Variants in LPP observed in about 807,000 individuals in gnomAD.
The protein encoded by LPP is LIM domain containing preferred translocation partner in lipoma.
Under a neutral mutation model 60.4 loss-of-function variants are expected in LPP, and 38 were observed. The ratio of observed to expected loss-of-function variants is 0.63; its 90% CI spans 0.49 to 0.83. The LOEUF is 0.83. Ranked by LOEUF, LPP falls within the 40% of genes least tolerant of loss-of-function variation. The pLI, the probability that LPP is intolerant of heterozygous loss-of-function variation, is 0.00. For synonymous variants in LPP, 328 were observed against 290.8 expected, an observed-to-expected ratio of 1.13 and a Z score of -1.30; for missense variants, 902 against 783.6, an observed-to-expected ratio of 1.15 and a Z score of -1.80.
rs118084223 is a variant in LPP at position 188,823,848 on chromosome 3, C to T, written c.1411-42352C>T. On this transcript the variant is annotated intron_variant, in intron 9 of 11. Transcript: ENST00000617246. ...TCAACTTGCCAATTCTGTTGTTAGT[C>T]ATAAACTTTTATATTCCTCCCTATG... Among the ~76,000 whole-genome samples, 5 of 152,184 alleles carry T rather than the reference C, an allele frequency of 3.3e-5. No homozygotes were observed. The East Asian group carries it at 7.7e-4, about 24-fold the overall frequency.
intron 7 of LPP, among the ~76,000 whole-genome samples, chr3:188,643,851 C>G (rs1460769578): frequency 6.6e-6 from 1 of 151,964 alleles, no homozygotes; most frequent in Non-Finnish European, 1.5e-5. Flanking sequence ...CAGTGGTAAC[C>G]CAAATAGCTA....
chr3:188,655,162 C>T (rs1852898712), intron 7 of LPP, among the ~76,000 whole-genome samples: 1 of 152,158 alleles, frequency 6.6e-6, no homozygotes, highest in African/African-American at 2.4e-5. Context: ...ATTCTCTCTT[C>T]CTTTAGCCTT....
At chr3:188,591,170 C>G (rs116770514) in intron 6 of LPP, among the ~76,000 whole-genome samples, 3,506 of 152,244 alleles carry the variant, frequency 0.023, 46 homozygotes, top group Non-Finnish European at 0.033. Context: ...GTTGTGCTTT[C>G]CCACAAAATT....
intron 4 of LPP, among the ~76,000 whole-genome samples, chr3:188,473,501 G>T (rs887631479): frequency 9.2e-5 from 14 of 152,156 alleles, no homozygotes; most frequent in Non-Finnish European, 4.4e-5. Context: ...AAGGAGCTTT[G>T]CAAGGTCCTT....
chr3:188,815,683 A>G (rs1015260867), intron 9 of LPP, among the ~76,000 whole-genome samples: 2 of 152,214 alleles, frequency 1.3e-5, no homozygotes, highest in African/African-American at 4.8e-5. Flanking sequence ...GTGTTGTGAA[A>G]GAAGACTTTG....
At chr3:188,588,458 A>T (rs1837962949) in intron 6 of LPP, among the ~76,000 whole-genome samples, 1 of 152,188 alleles carries the variant, frequency 6.6e-6, no homozygotes, top group African/African-American at 2.4e-5. Context: ...CTAATTTTTC[A>T]GTCTTGATTC....
At chr3:188,836,158 T>G (rs1758395057) in intron 9 of LPP, among the ~76,000 whole-genome samples, 1 of 152,232 alleles carries the variant, frequency 6.6e-6, no homozygotes, top group African/African-American at 2.4e-5. Context: ...AAGACAGTAA[T>G]GAAAAATGTA....
chr3:188,261,225 T>C (rs1391540540), intron 2 of LPP, among the ~76,000 whole-genome samples: 3 of 152,214 alleles, frequency 2.0e-5, no homozygotes, highest in African/African-American at 4.8e-5. Context: ...TATGGCTCAC[T>C]GTAGCTGCGA....
chr3:188,768,718 T>G (rs1240035642), intron 9 of LPP, among the ~76,000 whole-genome samples: 1 of 152,314 alleles, frequency 6.6e-6, no homozygotes, highest in East Asian at 1.9e-4. Context: ...TTATCCAATT[T>G]AAGAAATAAA....
At chr3:188,316,704 A>G (rs1264256936) in intron 2 of LPP, among the ~76,000 whole-genome samples, 1 of 152,250 alleles carries the variant, frequency 6.6e-6, no homozygotes, top group East Asian at 1.9e-4. Context: ...CCTATGTCTC[A>G]TTTAAAAACC....
chr3:188,662,722 T>G (rs1181544052), intron 7 of LPP, among the ~76,000 whole-genome samples: 1 of 152,254 alleles, frequency 6.6e-6, no homozygotes, highest in Admixed American at 6.5e-5. Context: ...AAATTAAAGC[T>G]ATTTAGAGAT....
intron 5 of LPP, among the ~76,000 whole-genome samples, chr3:188,494,854 G>T (rs1295910440): frequency 6.6e-6 from 1 of 151,586 alleles, no homozygotes; most frequent in Non-Finnish European, 1.5e-5. Flanking sequence ...ATTGATTGTT[G>T]TGAGGTTTCA....
chr3:188,387,627 C>T (rs1390273624), intron 3 of LPP, among the ~76,000 whole-genome samples: 1 of 149,174 alleles, frequency 6.7e-6, no homozygotes, highest in African/African-American at 2.5e-5. Flanking sequence ...AGTGCAGTGG[C>T]ATGATCTCAG....
intron 2 of LPP, among the ~76,000 whole-genome samples, chr3:188,249,524 A>AATAT (rs147420456): frequency 2.6e-5 from 4 of 151,728 alleles, no homozygotes; most frequent in African/African-American, 7.3e-5. Context: ...CTCTGAAATA[A>AATAT]ATATATATAT....
intron 2 of LPP, among the ~76,000 whole-genome samples, chr3:188,275,144 G>T (rs376352069): frequency 6.6e-6 from 1 of 152,194 alleles, no homozygotes; most frequent in African/African-American, 2.4e-5. Context: ...AGACTGGAAT[G>T]GCCAGAGCCC....
chr3:188,566,314 C>T (rs930715581), intron 6 of LPP, among the ~76,000 whole-genome samples: 1 of 151,826 alleles, frequency 6.6e-6, no homozygotes, highest in African/African-American at 2.4e-5. Flanking sequence ...CAGCAAACAA[C>T]CTTTCTGTGC....
At chr3:188,413,352 G>A (rs1181592998) in intron 4 of LPP, among the ~76,000 whole-genome samples, 1 of 152,078 alleles carries the variant, frequency 6.6e-6, no homozygotes, top group Non-Finnish European at 1.5e-5. Flanking sequence ...GTTACAAATG[G>A]GAAACATCTT....
At chr3:188,771,549 CAA>C (rs66712771) in intron 9 of LPP, among the ~76,000 whole-genome samples, 47 of 108,904 alleles carry the variant, frequency 4.3e-4, no homozygotes, top group Admixed American at 6.5e-4. Flanking sequence ...GACTCCATCT[CAA>C]AAAAAAAAAA....
chr3:188,181,091 A>T (rs1724838571), intron 1 of LPP, among the ~76,000 whole-genome samples: 1 of 152,176 alleles, frequency 6.6e-6, no homozygotes, highest in African/African-American at 2.4e-5. Flanking sequence ...ACGGTGGCTC[A>T]TGCCTGTAAT....
Sources: gnomAD v4.1 joint callset for allele counts (sites outside exome capture counted in the v4.1 genomes callset) on GRCh38, gnomAD v4.1.1 for gene constraint, MANE v1.5 for transcripts, NCBI Gene and HGNC (gene_info 2026-07-23, HGNC 2026-07-21) for gene names.